The following PID1 variants were observed in gnomAD, a reference collection of about 807,000 sequenced individuals.
PID1 encodes PTB-containing, cubilin and LRP1-interacting protein.
Under a neutral mutation model 19.1 loss-of-function variants are expected in PID1, and 10 were observed. The ratio of observed to expected loss-of-function variants is 0.52; its 90% CI spans 0.32 to 0.89. PID1 has a LOEUF of 0.89. Ranked by LOEUF, PID1 falls within the 40% of genes least tolerant of loss-of-function variation. The pLI is 0.03. For missense variants in PID1, 248 were observed against 285.3 expected (o/e 0.87, Z 0.94); for synonymous variants, 130 against 116.0 (o/e 1.12, Z -0.78).
At chr2:229,200,378 T>A (rs1691473060) in intron 1 of PID1, among the ~76,000 whole-genome samples, 1 of 151,964 alleles carries the variant, frequency 6.6e-6, no homozygotes, top group Non-Finnish European at 1.5e-5. Flanking sequence ...AAAAAGGCAC[T>A]GAAAAAACAG....
At chr2:229,091,346 C>T (rs13391303) in intron 2 of PID1, among the ~76,000 whole-genome samples, 22,183 of 147,094 alleles carry the variant, frequency 0.15, 1,782 homozygotes, top group African/African-American at 0.21. Context: ...AAGAGATTCA[C>T]AAAAACTCCC....
chr2:229,041,869 A>G (rs1693777562), intron 2 of PID1, among the ~76,000 whole-genome samples: 1 of 152,208 alleles, frequency 6.6e-6, no homozygotes, highest in South Asian at 2.1e-4. Context: ...AGACTGAGAA[A>G]GAATAAAGAT....
chr2:229,044,243 C>T (rs368559039), intron 2 of PID1, among the ~76,000 whole-genome samples: 19 of 152,136 alleles, frequency 1.2e-4, no homozygotes, highest in Admixed American at 9.8e-4. Context: ...CATCACCTGA[C>T]GCATGAGGAT....
chr2:229,151,302 G>A (rs1484323718), intron 2 of PID1, among the ~76,000 whole-genome samples: 4 of 152,132 alleles, frequency 2.6e-5, no homozygotes, highest in Non-Finnish European at 4.4e-5. Flanking sequence ...AGCACAGGCT[G>A]TGGAGTCAGA....
At chr2:229,170,094 T>C (rs1007306762) in intron 1 of PID1, among the ~76,000 whole-genome samples, 28 of 152,206 alleles carry the variant, frequency 1.8e-4, no homozygotes, top group Non-Finnish European at 4.4e-5. Flanking sequence ...GAAACCTTTA[T>C]AATCAGAAAA....
intron 2 of PID1, among the ~76,000 whole-genome samples, chr2:229,103,149 GTGTGGGA>G (rs1695107136): frequency 6.6e-6 from 1 of 152,046 alleles, no homozygotes; most frequent in African/African-American, 2.4e-5. Context: ...AAGTCTTTAG[GTGTGGGA>G]GAAACTTCGG....
In PID1 at chr2:229,037,684, G is replaced by A. The variant is rs546729653; in HGVS notation, c.178-11576C>T. ...ACATCCCCTCATGTGGCCCCTTCTG[G>A]TGAGCTGGACTTAGGATGATAAAAC... On this transcript the variant is annotated intron_variant, in intron 2 of 2. Coordinates refer to ENST00000392055, the MANE Select transcript of PID1 (RefSeq NM_001100818.2). Among the ~76,000 whole-genome samples, 7 of 152,228 alleles carry A rather than the reference G, an allele frequency of 4.6e-5. No homozygotes were observed. The South Asian group carries it at 1.5e-3, about 32-fold the overall frequency.
intron 1 of PID1, among the ~76,000 whole-genome samples, chr2:229,262,481 C>T (rs147002643): frequency 6.8e-4 from 104 of 151,870 alleles, no homozygotes; most frequent in Non-Finnish European, 1.4e-3. Flanking sequence ...AACTCACACT[C>T]GGTATTAAAA....
At chr2:229,170,818 AG>A (rs1333838210) in intron 1 of PID1, among the ~76,000 whole-genome samples, 1 of 152,232 alleles carries the variant, frequency 6.6e-6, no homozygotes, top group Non-Finnish European at 1.5e-5. Context: ...CCAAGTGCAG[AG>A]GGAGAAACAG....
At position 229,210,549 on chromosome 2, in the gene PID1, AAAAAAC is replaced by A. The variant is rs1225202941; in HGVS notation, c.31-54591_31-54586del. On this transcript the variant is annotated intron_variant, in intron 1 of 2. Transcript: ENST00000392055. ...TCAAAAAAAAAAAAAAAAAAAAAAA[AAAAAAC>A]AACCTAGAAGGAAAAAGTCAGAAGA... Among the ~76,000 whole-genome samples the A allele has an allele frequency of 4.7e-3, 683 of 146,876 alleles. 47 individuals are homozygous for A. Among genetic ancestry groups the A allele is most frequent in the Non-Finnish European group, 7.5e-3 (500 of 66,304 alleles).
rs937708512 is a variant in PID1, at chr2:229,039,657, G to A, written c.178-13549C>T. On this transcript the variant is annotated intron_variant, in intron 2 of 2. Coordinates refer to ENST00000392055, the MANE Select transcript of PID1 (RefSeq NM_001100818.2). ...GGATTCTTATTTAAAATATCTACTC[G>A]TAGTATCACATAATTAGAGAAATGC... Among the ~76,000 whole-genome samples, 6 of 152,142 alleles carry A rather than the reference G, an allele frequency of 3.9e-5. No individual in the cohort carries two copies. In the South Asian group the frequency reaches 8.3e-4, roughly 21 times the overall value.
At chr2:229,037,052 G>A (rs1348646821) in intron 2 of PID1, among the ~76,000 whole-genome samples, 1 of 152,086 alleles carries the variant, frequency 6.6e-6, no homozygotes, top group African/African-American at 2.4e-5. Flanking sequence ...CAAACATGCC[G>A]ATTTTATAAA....
chr2:229,160,155 G>A (rs1318000356), intron 1 of PID1, among the ~76,000 whole-genome samples: 2 of 152,186 alleles, frequency 1.3e-5, no homozygotes, highest in African/African-American at 2.4e-5. Flanking sequence ...AAGAGGGCAC[G>A]AGAAGTGGCC....
chr2:229,071,318 C>A (rs1046060276), intron 2 of PID1, among the ~76,000 whole-genome samples: 21 of 152,160 alleles, frequency 1.4e-4, no homozygotes, highest in African/African-American at 4.8e-4. Flanking sequence ...AATAATTATA[C>A]CACATTTGCT....
At chr2:229,145,611 G>C (rs1297175719) in intron 2 of PID1, among the ~76,000 whole-genome samples, 1 of 152,028 alleles carries the variant, frequency 6.6e-6, no homozygotes, top group African/African-American at 2.4e-5. Flanking sequence ...ACTTCTCTCA[G>C]ACATGCATAT....
chr2:229,231,931 C>T (rs560587616), intron 1 of PID1: 120 of 1,550,278 alleles, frequency 7.7e-5, no homozygotes, highest in Middle Eastern at 5.0e-4. Flanking sequence ...CTCACCGTTC[C>T]GGAGGCTAGG....
At chr2:229,251,275 ATTTT>A (rs56674281) in intron 1 of PID1, among the ~76,000 whole-genome samples, 3 of 151,020 alleles carry the variant, frequency 2.0e-5, no homozygotes, top group South Asian at 2.1e-4. Context: ...AAGGTACTGT[ATTTT>A]TTTTTTTTTC....
At chr2:229,119,931 C>T (rs938835026) in intron 2 of PID1, among the ~76,000 whole-genome samples, 1 of 152,106 alleles carries the variant, frequency 6.6e-6, no homozygotes, top group Non-Finnish European at 1.5e-5. Flanking sequence ...TCTATATTCT[C>T]CTGCCTGTGA....
chr2:229,053,214 TGACTG>T lies in PID1; in HGVS notation c.178-27111_178-27107del, dbSNP rs955775652. On this transcript the variant is annotated intron_variant, in intron 2 of 2. Coordinates refer to ENST00000392055, the MANE Select transcript of PID1 (RefSeq NM_001100818.2). The stretch of plus-strand genomic sequence containing the variant: ...AATTATATTAATTCTTTTTTTTTCT[TGACTG>T]GACATTTCTCATACAACTGGGTTTC... 8.5e-4 allele frequency among the ~76,000 whole-genome samples: 130 copies of T among 152,310 alleles called. 2 individuals are homozygous for T. The highest frequency in any genetic ancestry group is 2.9e-3 in the African/African-American group (119 of 41,568).
Sources: gnomAD v4.1 joint callset for allele counts (sites outside exome capture counted in the v4.1 genomes callset) on GRCh38, gnomAD v4.1.1 for gene constraint, MANE v1.5 for transcripts, NCBI Gene and HGNC (gene_info 2026-07-23, HGNC 2026-07-21) for gene names.